GFOD2: variants seen among roughly 807,000 people sequenced by gnomAD.
GFOD2 encodes Gfo/Idh/MocA-like oxidoreductase domain containing 2, also known as glucose-fructose oxidoreductase domain-containing protein 2.
Under a neutral mutation model 24.6 loss-of-function variants are expected in GFOD2, and 9 were observed. The observed-to-expected ratio is 0.37, with a 90% confidence interval of 0.22 to 0.64. GFOD2 has a LOEUF of 0.64. GFOD2 is among the 30% of genes least tolerant of loss of function. The pLI, the probability that GFOD2 is intolerant of heterozygous loss-of-function variation, is 0.65. For synonymous variants in GFOD2, 211 were observed against 224.8 expected (o/e 0.94, Z 0.55); for missense variants, 476 against 532.5 (o/e 0.89, Z 1.04).
intron 1 of GFOD2, among the ~76,000 whole-genome samples, chr16:67,704,347 G>A (rs114529298): frequency 9.9e-5 from 15 of 152,048 alleles, no homozygotes; most frequent in Non-Finnish European, 4.4e-5. Context: ...TAAACATTAC[G>A]TGCCCCGTGC....
chr16:67,689,587 C>A (rs1381011983), intron 1 of GFOD2, among the ~76,000 whole-genome samples: 1 of 151,948 alleles, frequency 6.6e-6, no homozygotes, highest in Non-Finnish European at 1.5e-5. Flanking sequence ...AGGAGAATTG[C>A]TGGAACCCGG....
At chr16:67,688,663 G>A (rs910642390) in intron 1 of GFOD2, among the ~76,000 whole-genome samples, 5 of 151,168 alleles carry the variant, frequency 3.3e-5, no homozygotes, top group African/African-American at 9.7e-5. Context: ...CCACATCACC[G>A]TCATTTTCTT....
chr16:67,695,390 C>T (rs1294441132), intron 1 of GFOD2, among the ~76,000 whole-genome samples: 5 of 152,046 alleles, frequency 3.3e-5, no homozygotes, highest in Non-Finnish European at 2.9e-5. Context: ...TTATCTTCTA[C>T]AATTTTCATG....
At chr16:67,686,233 A>G (rs1244327848) in intron 1 of GFOD2, among the ~76,000 whole-genome samples, 1 of 152,166 alleles carries the variant, frequency 6.6e-6, no homozygotes, top group African/African-American at 2.4e-5. Flanking sequence ...ATAGTAAGCT[A>G]TGATTGTGCT....
chr16:67,692,963 G>C (rs1290692630), intron 1 of GFOD2, among the ~76,000 whole-genome samples: 1 of 151,800 alleles, frequency 6.6e-6, no homozygotes, highest in Non-Finnish European at 1.5e-5. Context: ...CCAGGAGGCA[G>C]AGCTTGCAGT....
chr16:67,695,372 GCA>G (rs889801575), intron 1 of GFOD2, among the ~76,000 whole-genome samples: 5 of 151,978 alleles, frequency 3.3e-5, no homozygotes, highest in African/African-American at 1.2e-4. Flanking sequence ...AACAGGTCAA[GCA>G]CACAGTTATC....
chr16:67,700,804 G>A (rs1372525553), intron 1 of GFOD2, among the ~76,000 whole-genome samples: 1 of 148,768 alleles, frequency 6.7e-6, no homozygotes, highest in African/African-American at 2.5e-5. Flanking sequence ...AGGCCGAGGC[G>A]GGCGGATCAC....
At chr16:67,699,312 C>T (rs1048667555) in intron 1 of GFOD2, among the ~76,000 whole-genome samples, 9 of 152,026 alleles carry the variant, frequency 5.9e-5, no homozygotes, top group African/African-American at 2.2e-4. Context: ...ACTGGCACTC[C>T]AGCCTGGGCA....
At chr16:67,685,420 G>A (rs1163534424) in intron 2 of GFOD2, 37 bp downstream of exon 2, 4 of 1,613,768 alleles carry the variant, frequency 2.5e-6, no homozygotes, top group Non-Finnish European at 3.4e-6. Context: ...CAGAGGGAGA[G>A]ACATGATCTG....
At chr16:67,704,006 G>A (rs1005571203) in intron 1 of GFOD2, among the ~76,000 whole-genome samples, 1 of 152,166 alleles carries the variant, frequency 6.6e-6, no homozygotes, top group Non-Finnish European at 1.5e-5. Flanking sequence ...CCATGTTGTA[G>A]CATGTGTCAG....
At chr16:67,685,058 GCTA>G (rs2053255820) in intron 2 of GFOD2, 1 of 1,145,102 alleles carries the variant, frequency 8.7e-7, no homozygotes, top group Non-Finnish European at 1.1e-6. Flanking sequence ...TGGTAGCCTT[GCTA>G]CACAGCCTCT....
intron 1 of GFOD2, among the ~76,000 whole-genome samples, chr16:67,718,854 G>A (rs753705457): frequency 6.6e-6 from 1 of 152,164 alleles, no homozygotes; most frequent in African/African-American, 2.4e-5. Flanking sequence ...GGCACAGGGC[G>A]GGGGAGACTA....
intron 1 of GFOD2, among the ~76,000 whole-genome samples, chr16:67,688,563 C>A (rs1007982200): frequency 6.6e-6 from 1 of 152,074 alleles, no homozygotes; most frequent in Non-Finnish European, 1.5e-5. Flanking sequence ...CCCCATCCAA[C>A]ATTTCCCCCA....
intron 1 of GFOD2, among the ~76,000 whole-genome samples, chr16:67,698,999 G>A (rs1394593500): frequency 6.6e-5 from 10 of 152,088 alleles, no homozygotes; most frequent in Non-Finnish European, 1.3e-4. Context: ...AGACCAATAC[G>A]TCTCATAAAC....
chr16:67,691,890 T>G (rs997954712), intron 1 of GFOD2, among the ~76,000 whole-genome samples: 1 of 152,146 alleles, frequency 6.6e-6, no homozygotes, highest in African/African-American at 2.4e-5. Context: ...TCTGAAAACA[T>G]ACTGGAGGTT....
At chr16:67,695,067 A>G (rs933607494) in intron 1 of GFOD2, among the ~76,000 whole-genome samples, 1 of 139,914 alleles carries the variant, frequency 7.1e-6, no homozygotes, top group South Asian at 2.2e-4. Flanking sequence ...ATCTCGGCTC[A>G]CTGCAACCTT....
chr16:67,685,356 T>G (rs771645627), intron 2 of GFOD2, 101 bp downstream of exon 2: 5 of 1,555,504 alleles, frequency 3.2e-6, no homozygotes, highest in Non-Finnish European at 3.5e-6. Flanking sequence ...TCCCTGCAGA[T>G]GCGAGCCCAG....
intron 1 of GFOD2, among the ~76,000 whole-genome samples, chr16:67,690,398 AT>A (rs1299554106): frequency 0.033 from 4,488 of 136,992 alleles, 115 homozygotes; most frequent in Non-Finnish European, 0.042. Flanking sequence ...ATTATTCACT[AT>A]TTTTTTTTTT....
chr16:67,678,491 A>G (rs1352540889), intron 2 of GFOD2, among the ~76,000 whole-genome samples: 4 of 151,778 alleles, frequency 2.6e-5, no homozygotes, highest in Admixed American at 1.3e-4. Flanking sequence ...AAAAAAAAAA[A>G]AAAGAAAAAG....
Sources: gnomAD v4.1 joint callset for allele counts (sites outside exome capture counted in the v4.1 genomes callset) on GRCh38, gnomAD v4.1.1 for gene constraint, MANE v1.5 for transcripts, NCBI Gene and HGNC (gene_info 2026-07-23, HGNC 2026-07-21) for gene names.